GABRG3: variants seen among roughly 807,000 people sequenced by gnomAD.
GABRG3 encodes the protein gamma-aminobutyric acid receptor subunit gamma-3.
GABRG3 carries 25 observed loss-of-function variants against 48.8 expected under a neutral mutation model. The observed-to-expected ratio is 0.51, with a 90% CI of 0.37 to 0.72. GABRG3 has a LOEUF of 0.72. Ranked by LOEUF, GABRG3 falls within the 30% of genes least tolerant of loss-of-function variation. The pLI is 0.00. For synonymous variants in GABRG3, 227 were observed against 217.6 expected (o/e 1.04, Z -0.38); for missense variants, 394 against 577.9 (o/e 0.68, Z 3.26).
At chr15:26,990,202 A>C (rs562074153) in intron 2 of GABRG3, among the ~76,000 whole-genome samples, 4 of 152,302 alleles carry the variant, frequency 2.6e-5, no homozygotes, top group African/African-American at 4.8e-5. Flanking sequence ...CACTTCCAAA[A>C]TGTTCTCTGT....
chr15:27,279,217 C>G (rs372474250), intron 3 of GABRG3, among the ~76,000 whole-genome samples: 1 of 152,122 alleles, frequency 6.6e-6, no homozygotes, highest in African/African-American at 2.4e-5. Context: ...TGTAGACTGT[C>G]TTTTCTTCCT....
Position 26,971,543 on chromosome 15 carries a change from C to G in GABRG3, c.8C>G (p.Pro3Arg), listed in dbSNP as rs751926985. The G allele has an allele frequency of 2.6e-6, 4 of 1,529,634 alleles. No homozygotes were observed. The highest frequency in any genetic ancestry group is 1.2e-5 in the South Asian group (1 of 81,864). 94.8% of individuals were successfully genotyped at this position (1,529,634 alleles called of 1,614,324 possible). A position where few individuals can be genotyped will look rare whatever the true frequency, so the allele number is the denominator to read the frequency against. ...CCCGAGCTCCACGGCACCATGGCCCCGAAGCTGCTGCTCCTCCTCTGCCTG... is the reference window on the plus strand; with the variant it reads ...CCCGAGCTCCACGGCACCATGGCCCGGAAGCTGCTGCTCCTCCTCTGCCTG... MA[P>R]KLLLLLCLFS... Residue 3 changes from proline (P) to arginine (R), a missense_variant, in exon 1 of 10, where the codon CCG becomes CGG. By Grantham distance (103) the Pro-to-Arg change is moderately radical. This residue lies in a region of GABRG3 where 218 missense variants were observed against 309.9 expected (regional missense o/e 0.70). Coordinates refer to ENST00000615808, the MANE Select transcript of GABRG3 (RefSeq NM_033223.5).
intron 3 of GABRG3, among the ~76,000 whole-genome samples, chr15:27,174,617 T>TCTCA (rs1555407716): frequency 6.8e-6 from 1 of 147,076 alleles, no homozygotes; most frequent in Non-Finnish European, 1.5e-5. Context: ...TCTCTCTCTC[T>TCTCA]CACTCTCACA....
intron 5 of GABRG3, among the ~76,000 whole-genome samples, chr15:27,476,039 C>G (rs1017474820): frequency 3.9e-5 from 6 of 151,950 alleles, no homozygotes; most frequent in Admixed American, 6.6e-5. Flanking sequence ...AGACCCGGCT[C>G]AAAAGAACAT....
chr15:27,353,601 A>G (rs867119222), intron 5 of GABRG3, among the ~76,000 whole-genome samples: 33 of 152,008 alleles, frequency 2.2e-4, no homozygotes, highest in Admixed American at 3.9e-4. Context: ...GCACCACCAC[A>G]TCTGGCTAAT....
intron 3 of GABRG3, among the ~76,000 whole-genome samples, chr15:27,149,079 C>T (rs1317563018): frequency 6.6e-6 from 1 of 152,026 alleles, no homozygotes; most frequent in Non-Finnish European, 1.5e-5. Flanking sequence ...AGATGACATG[C>T]TCTTGCATAT....
At chr15:27,323,749 C>T (rs201330526) in intron 3 of GABRG3, among the ~76,000 whole-genome samples, 12 of 152,294 alleles carry the variant, frequency 7.9e-5, no homozygotes, top group Admixed American at 7.8e-4. Flanking sequence ...CCCATGTCTC[C>T]AGCACCTGCA....
chr15:27,466,405 T>G (rs8039959), intron 5 of GABRG3, among the ~76,000 whole-genome samples: 58,739 of 152,046 alleles, frequency 0.39, 14,926 homozygotes, highest in African/African-American at 0.71. Flanking sequence ...GTAAAATTAT[T>G]ATTATACTTG....
chr15:27,423,721 CTTTTTTTTTTT>C (rs542775399), intron 5 of GABRG3, among the ~76,000 whole-genome samples: 304 of 81,786 alleles, frequency 3.7e-3, no homozygotes, highest in African/African-American at 0.016. Context: ...TTTTCTTTTC[CTTTTTTTTTTT>C]TTTTTTTTTT....
intron 3 of GABRG3, among the ~76,000 whole-genome samples, chr15:27,305,038 G>A (rs1303406122): frequency 6.6e-6 from 1 of 151,826 alleles, no homozygotes; most frequent in East Asian, 1.9e-4. Flanking sequence ...TACTTTAGGT[G>A]TCACAACTAT....
intron 5 of GABRG3, among the ~76,000 whole-genome samples, chr15:27,332,785 G>T (rs555381140): frequency 1.1e-4 from 16 of 152,250 alleles, no homozygotes; most frequent in African/African-American, 3.1e-4. Context: ...CTTTTAGGCT[G>T]GTCTTGGCTC....
chr15:27,478,352 C>A (rs1890010939), intron 5 of GABRG3, among the ~76,000 whole-genome samples: 1 of 152,136 alleles, frequency 6.6e-6, no homozygotes, highest in Non-Finnish European at 1.5e-5. Flanking sequence ...AAGATCTCAA[C>A]AAACACCTCA....
At chr15:27,390,102 A>G (rs1418554040) in intron 5 of GABRG3, among the ~76,000 whole-genome samples, 1 of 152,244 alleles carries the variant, frequency 6.6e-6, no homozygotes, top group Non-Finnish European at 1.5e-5. Context: ...TCAACTTTTA[A>G]AAATTCAAAT....
chr15:27,173,462 C>T (rs1887638086), intron 3 of GABRG3, among the ~76,000 whole-genome samples: 1 of 152,144 alleles, frequency 6.6e-6, no homozygotes, highest in African/African-American at 2.4e-5. Context: ...AGATTCTGAA[C>T]AGCATTCCTC....
At chr15:27,083,063 A>C (rs1183642047) in intron 3 of GABRG3, among the ~76,000 whole-genome samples, 2 of 152,228 alleles carry the variant, frequency 1.3e-5, no homozygotes, top group Non-Finnish European at 1.5e-5. Flanking sequence ...ACATAAGGTA[A>C]AGATCAAACC....
chr15:27,175,322 G>C (rs112709403), intron 3 of GABRG3, among the ~76,000 whole-genome samples: 2 of 152,136 alleles, frequency 1.3e-5, no homozygotes, highest in Non-Finnish European at 1.5e-5. Context: ...GGTGTCCCTT[G>C]CATCATCCAC....
At chr15:27,170,452 C>T (rs1454901269) in intron 3 of GABRG3, among the ~76,000 whole-genome samples, 1 of 151,992 alleles carries the variant, frequency 6.6e-6, no homozygotes, top group Non-Finnish European at 1.5e-5. Flanking sequence ...AAAAACAACA[C>T]TGTGAGGTAA....
chr15:27,331,376 C>T (rs144511260), intron 5 of GABRG3, among the ~76,000 whole-genome samples: 14 of 152,154 alleles, frequency 9.2e-5, no homozygotes, highest in South Asian at 2.1e-4. Flanking sequence ...AAACAAACCA[C>T]GGCATATTCA....
intron 3 of GABRG3, among the ~76,000 whole-genome samples, chr15:27,202,266 CA>C (rs1200662432): frequency 5.3e-5 from 8 of 152,110 alleles, no homozygotes; most frequent in African/African-American, 1.2e-4. Flanking sequence ...TCTATACATT[CA>C]TTTTTTTTCT....
Sources: allele counts gnomAD v4.1 joint callset (sites outside exome capture counted in the v4.1 genomes callset), GRCh38; gene constraint gnomAD v4.1.1; regional missense constraint gnomAD v4.1.1; transcripts MANE v1.5; gene names NCBI Gene and HGNC (gene_info 2026-07-23, HGNC 2026-07-21).